The following PIBF1 variants were observed in gnomAD, a reference collection of about 807,000 sequenced individuals.
PIBF1 encodes the protein progesterone immunomodulatory binding factor 1, also known as progesterone-induced-blocking factor 1.
Under a neutral mutation model 112.5 loss-of-function variants are expected in PIBF1, and 90 were observed. That is an observed-to-expected ratio of 0.80 (90% CI 0.67 to 0.95). The LOEUF (loss-of-function observed/expected upper bound fraction) is 0.95, where lower values mean the gene tolerates loss of function less well. PIBF1 is among the 40% of genes least tolerant of loss of function. The pLI, the probability that PIBF1 is intolerant of heterozygous loss-of-function variation, is 0.00. For missense variants in PIBF1, 915 were observed against 852.3 expected (o/e 1.07, Z -0.92); for synonymous variants, 301 against 288.6 (o/e 1.04, Z -0.44).
At chr13:72,911,498 T>C (rs964691024) in intron 12 of PIBF1, among the ~76,000 whole-genome samples, 3 of 152,160 alleles carry the variant, frequency 2.0e-5, no homozygotes. Context: ...ATGGAATAGC[T>C]AAAACTATAA....
intron 5 of PIBF1, among the ~76,000 whole-genome samples, chr13:72,814,311 C>G (rs915246450): frequency 3.3e-5 from 5 of 151,698 alleles, no homozygotes; most frequent in African/African-American, 9.7e-5. Flanking sequence ...TGGCAGGCAT[C>G]TGTAATCCCA....
At chr13:72,969,275 A>G (rs2042829969) in intron 15 of PIBF1, among the ~76,000 whole-genome samples, 1 of 152,198 alleles carries the variant, frequency 6.6e-6, no homozygotes, top group South Asian at 2.1e-4. Context: ...TTGAATTTCA[A>G]CAAAAATTAA....
intron 12 of PIBF1, among the ~76,000 whole-genome samples, chr13:72,909,397 C>T (rs542837507): frequency 4.6e-5 from 7 of 151,904 alleles, no homozygotes; most frequent in Admixed American, 4.6e-4. Flanking sequence ...ATGCAGTTCT[C>T]AGTGGAAATA....
intron 17 of PIBF1, among the ~76,000 whole-genome samples, chr13:73,013,652 A>T (rs1594371663): frequency 6.7e-6 from 1 of 149,926 alleles, no homozygotes; most frequent in East Asian, 2.0e-4. Flanking sequence ...CAGGACTATC[A>T]CTTGAGCCCG....
At chr13:72,967,751 T>C (rs1023172410) in intron 15 of PIBF1, among the ~76,000 whole-genome samples, 24 of 152,310 alleles carry the variant, frequency 1.6e-4, no homozygotes, top group Middle Eastern at 3.4e-3. Context: ...TTCTGAAATA[T>C]TCTATAATAA....
At chr13:73,010,810 C>CTTTTTATTTTTTTTTTTTTTT (rs2044174823) in intron 17 of PIBF1, among the ~76,000 whole-genome samples, 1 of 40,280 alleles carries the variant, frequency 2.5e-5, no homozygotes, top group African/African-American at 9.6e-5. Flanking sequence ...ATTAACTTTT[C>CTTTTTATTTTTTTTTTTTTTT]TTTTTTTTTT....
chr13:72,849,636 A>C (rs573207108), intron 9 of PIBF1, among the ~76,000 whole-genome samples: 1 of 152,198 alleles, frequency 6.6e-6, no homozygotes, highest in African/African-American at 2.4e-5. Context: ...GCTTATTTTG[A>C]TTTCCCATCT....
chr13:72,818,705 G>T (rs1160210531), intron 5 of PIBF1, among the ~76,000 whole-genome samples: 5 of 44,616 alleles, frequency 1.1e-4, no homozygotes, highest in South Asian at 6.5e-4. Flanking sequence ...TTTTTTGCCA[G>T]TATCATCTAA....
At chr13:73,001,901 C>T (rs2043882620) in intron 17 of PIBF1, among the ~76,000 whole-genome samples, 1 of 152,014 alleles carries the variant, frequency 6.6e-6, no homozygotes, top group South Asian at 2.1e-4. Flanking sequence ...GGATTACAGG[C>T]GTGAGCCACA....
chr13:72,957,481 A>C (rs2042478531), intron 14 of PIBF1, among the ~76,000 whole-genome samples: 1 of 152,174 alleles, frequency 6.6e-6, no homozygotes, highest in Non-Finnish European at 1.5e-5. Flanking sequence ...CAAAGGCATA[A>C]GAATGATACA....
rs151070512 is a variant in PIBF1, at chr13:72,988,590, C to T, written c.2050-10232C>T. Among the ~76,000 whole-genome samples the T allele has an allele frequency of 1.4e-4, 21 of 152,144 alleles. No homozygotes were observed. The South Asian group carries it at 4.4e-3, about 32-fold the overall frequency. On this transcript the variant is annotated intron_variant, in intron 16 of 17. Transcript: ENST00000326291. ...TTTGCTTTAATAGTAGTTTAAAATT[C>T]TTGTTGAGCATTTAGAGTGTAGAAT...
At chr13:72,887,033 GT>G (rs1224774391) in intron 10 of PIBF1, among the ~76,000 whole-genome samples, 3 of 145,600 alleles carry the variant, frequency 2.1e-5, no homozygotes, top group African/African-American at 7.5e-5. Flanking sequence ...TTACTCTATA[GT>G]TTTTCTTTTT....
intron 9 of PIBF1, among the ~76,000 whole-genome samples, chr13:72,844,387 C>T (rs567335828): frequency 3.0e-4 from 45 of 152,176 alleles, no homozygotes; most frequent in African/African-American, 1.0e-3. Context: ...ATGTGCAGAA[C>T]GTGCAGGTTT....
chr13:72,945,437 G>C (rs2138833105), intron 14 of PIBF1, among the ~76,000 whole-genome samples: 1 of 152,284 alleles, frequency 6.6e-6, no homozygotes, highest in South Asian at 2.1e-4. Context: ...TGATAGCTGT[G>C]TTTCAAGTTC....
intron 14 of PIBF1, among the ~76,000 whole-genome samples, chr13:72,953,585 C>T (rs2042361519): frequency 6.6e-6 from 1 of 152,176 alleles, no homozygotes; most frequent in Non-Finnish European, 1.5e-5. Flanking sequence ...TCCTTAGTTA[C>T]AAATAACCTT....
intron 10 of PIBF1, among the ~76,000 whole-genome samples, chr13:72,881,639 C>G (rs112203493): frequency 0.015 from 2,235 of 151,322 alleles, 61 homozygotes; most frequent in African/African-American, 0.051. Context: ...TCACTTGAAC[C>G]CATGAGGTGG....
In PIBF1 at chr13:72,795,410, G is replaced by GA. The variant is rs2035143138; in HGVS notation, c.408dup (p.Gln137ThrfsTer22). 3.1e-6 allele frequency: 5 copies of GA among 1,606,478 alleles called. No homozygotes were observed. The highest frequency in any genetic ancestry group is 4.2e-6 in the Non-Finnish European group (5 of 1,177,702). On this transcript the variant is annotated frameshift_variant, in exon 4 of 18. Coordinates refer to ENST00000326291, the MANE Select transcript of PIBF1 (RefSeq NM_006346.4). LOFTEE classifies it high-confidence loss of function. ...AAATGGAAACCATTTTGTTGAGACA[G>GA]AAACAACTAGAAGAGACAAATCTTC...
Position 72,915,892 on chromosome 13 carries a change from A to G in PIBF1, c.1640-1184A>G, listed in dbSNP as rs909839167. 5.3e-5 allele frequency among the ~76,000 whole-genome samples: 8 copies of G among 152,338 alleles called. 1 individual carries two copies. The highest frequency in any genetic ancestry group is 4.6e-4 in the Admixed American group (7 of 15,292). ...ATAGGCATGCAGAAGATGAAACATCATGATGGTTGTAAAATATGTGGCTTT... is the reference window on the plus strand; with the variant it reads ...ATAGGCATGCAGAAGATGAAACATCGTGATGGTTGTAAAATATGTGGCTTT... On this transcript the variant is annotated intron_variant, in intron 12 of 17. Transcript: ENST00000326291.
At chr13:72,907,097 A>G (rs964988457) in intron 11 of PIBF1, among the ~76,000 whole-genome samples, 2 of 152,032 alleles carry the variant, frequency 1.3e-5, no homozygotes, top group African/African-American at 4.8e-5. Flanking sequence ...TTCTGACCCA[A>G]CCAGAGCCAC....
Sources: allele counts gnomAD v4.1 joint callset (sites outside exome capture counted in the v4.1 genomes callset), GRCh38; gene constraint gnomAD v4.1.1; transcripts MANE v1.5; gene names NCBI Gene and HGNC (gene_info 2026-07-23, HGNC 2026-07-21).